The following GMDS variants were observed in gnomAD, a reference collection of about 807,000 sequenced individuals.
GMDS encodes the protein GDP-mannose 4,6-dehydratase.
A neutral mutation model predicts 49.9 loss-of-function variants in GMDS; 20 were observed. That is an observed-to-expected ratio of 0.40 (90% CI 0.28 to 0.58). GMDS has a LOEUF of 0.58. Ranked by LOEUF, GMDS falls within the 20% of genes least tolerant of loss-of-function variation. GMDS has a pLI of 0.42. For synonymous variants in GMDS, 177 were observed against 178.6 expected (o/e 0.99, Z 0.07); for missense variants, 362 against 481.4 (o/e 0.75, Z 2.32).
At chr6:2,046,597 C>T (rs933665962) in intron 4 of GMDS, among the ~76,000 whole-genome samples, 1 of 152,006 alleles carries the variant, frequency 6.6e-6, no homozygotes. Context: ...GTAGCTGGGA[C>T]TACAAGCAGG....
intron 7 of GMDS, among the ~76,000 whole-genome samples, chr6:1,925,950 G>A (rs552317163): frequency 1.3e-5 from 2 of 152,260 alleles, no homozygotes; most frequent in African/African-American, 2.4e-5. Flanking sequence ...AGAGAATGTC[G>A]AGAGCATACC....
chr6:2,230,939 CCA>C (rs1310567340), intron 1 of GMDS, among the ~76,000 whole-genome samples: 56 of 52,272 alleles, frequency 1.1e-3, no homozygotes, highest in African/African-American at 3.5e-3. Context: ...TTCCCCCCTC[CCA>C]CCCCCCCCCC....
At chr6:2,048,059 A>T (rs987209107) in intron 4 of GMDS, among the ~76,000 whole-genome samples, 1 of 152,202 alleles carries the variant, frequency 6.6e-6, no homozygotes, top group African/African-American at 2.4e-5. Flanking sequence ...AGCGTTCAAG[A>T]AGTCAACAGC....
chr6:2,240,325 G>A (rs1028107816), intron 1 of GMDS, among the ~76,000 whole-genome samples: 3 of 152,148 alleles, frequency 2.0e-5, no homozygotes, highest in African/African-American at 4.8e-5. Context: ...ACACTATGGA[G>A]GGAAGGTCCA....
intron 4 of GMDS, among the ~76,000 whole-genome samples, chr6:2,096,932 T>A (rs1017688864): frequency 5.9e-5 from 9 of 152,138 alleles, no homozygotes; most frequent in African/African-American, 2.2e-4. Context: ...ATTTTATATA[T>A]AAAAATGCCC....
intron 9 of GMDS, among the ~76,000 whole-genome samples, chr6:1,720,746 G>A (rs1252594685): frequency 2.0e-5 from 3 of 152,172 alleles, no homozygotes; most frequent in Non-Finnish European, 4.4e-5. Context: ...GCTCCCGCTG[G>A]TCAGAGAAAG....
In GMDS at chr6:1,625,908, A is replaced by G. The variant is rs948471853; in HGVS notation, c.988-1368T>C. 2.6e-5 allele frequency among the ~76,000 whole-genome samples: 4 copies of G among 152,258 alleles called. No homozygotes were observed. The East Asian group carries it at 7.7e-4, about 29-fold the overall frequency. On this transcript the variant is annotated intron_variant, in intron 9 of 10. Transcript: ENST00000380815. ...CTTTAAAGGTGAGAAATACTCGATC[A>G]TTCTATTTCAGCTACATACAAATTA...
At chr6:1,834,835 T>C (rs1222635964) in intron 7 of GMDS, among the ~76,000 whole-genome samples, 1 of 152,188 alleles carries the variant, frequency 6.6e-6, no homozygotes, top group Non-Finnish European at 1.5e-5. Context: ...TCCGTCCCCC[T>C]TCCTGCAACC....
At chr6:2,153,718 T>C (rs1005703423) in intron 1 of GMDS, among the ~76,000 whole-genome samples, 8 of 152,194 alleles carry the variant, frequency 5.3e-5, no homozygotes, top group African/African-American at 1.9e-4. Context: ...TCATATGCTA[T>C]TGGTAGAGAT....
chr6:2,053,047 C>T (rs1340030206), intron 4 of GMDS, among the ~76,000 whole-genome samples: 1 of 152,058 alleles, frequency 6.6e-6, no homozygotes, highest in African/African-American at 2.4e-5. Flanking sequence ...TTTTAAAATT[C>T]CCAATGTTAA....
chr6:2,209,378 TC>T (rs1245897053), intron 1 of GMDS, among the ~76,000 whole-genome samples: 1 of 152,224 alleles, frequency 6.6e-6, no homozygotes, highest in Admixed American at 6.5e-5. Flanking sequence ...CAGCCTCAGC[TC>T]AATGGCAAAT....
intron 1 of GMDS, among the ~76,000 whole-genome samples, chr6:2,182,277 A>C (rs2127562278): frequency 6.6e-6 from 1 of 152,378 alleles, no homozygotes. Context: ...CAAAGTGAAA[A>C]AACTATCTCC....
chr6:1,642,859 G>A (rs1253270411), intron 9 of GMDS, among the ~76,000 whole-genome samples: 1 of 152,158 alleles, frequency 6.6e-6, no homozygotes, highest in Non-Finnish European at 1.5e-5. Context: ...TCCTAAAGCC[G>A]GGCCCCACGA....
At chr6:1,709,155 C>T (rs1290363518) in intron 9 of GMDS, among the ~76,000 whole-genome samples, 1 of 152,208 alleles carries the variant, frequency 6.6e-6, no homozygotes, top group Non-Finnish European at 1.5e-5. Context: ...TGCAGATACA[C>T]CCACTGCAGC....
intron 1 of GMDS, among the ~76,000 whole-genome samples, chr6:2,142,670 C>G (rs912320776): frequency 1.3e-5 from 2 of 152,156 alleles, no homozygotes; most frequent in African/African-American, 4.8e-5. Context: ...GTTGCTTGAA[C>G]CACCCAGTCT....
At chr6:1,931,266 A>G (rs560264883) in intron 6 of GMDS, among the ~76,000 whole-genome samples, 1 of 152,340 alleles carries the variant, frequency 6.6e-6, no homozygotes, top group South Asian at 2.1e-4. Context: ...ATTATGATCA[A>G]AGTGTTTGGC....
chr6:2,185,899 C>A (rs1241933902), intron 1 of GMDS, among the ~76,000 whole-genome samples: 1 of 152,170 alleles, frequency 6.6e-6, no homozygotes, highest in Admixed American at 6.5e-5. Flanking sequence ...AACTCATTAT[C>A]TCCCCCAAAA....
intron 1 of GMDS, among the ~76,000 whole-genome samples, chr6:2,163,619 G>A (rs2127547883): frequency 6.6e-6 from 1 of 152,272 alleles, no homozygotes; most frequent in South Asian, 2.1e-4. Flanking sequence ...CCAAAGGGAG[G>A]AAAAGACCAT....
chr6:2,177,160 A>T (rs896150242), intron 1 of GMDS, among the ~76,000 whole-genome samples: 5 of 152,150 alleles, frequency 3.3e-5, no homozygotes, highest in African/African-American at 1.2e-4. Flanking sequence ...TAAACCACAG[A>T]GAGATTATGA....
Sources: gnomAD v4.1 joint callset for allele counts (sites outside exome capture counted in the v4.1 genomes callset) on GRCh38, gnomAD v4.1.1 for gene constraint, MANE v1.5 for transcripts, NCBI Gene and HGNC (gene_info 2026-07-23, HGNC 2026-07-21) for gene names.